THADA: variants seen among roughly 807,000 people sequenced by gnomAD.
THADA encodes the protein THADA armadillo repeat containing.
Under a neutral mutation model 219.8 loss-of-function variants are expected in THADA, and 213 were observed. That is an observed-to-expected ratio of 0.97 (90% CI 0.87 to 1.09). The LOEUF is 1.09. Among genes scored for constraint, THADA ranks in the 50% least tolerant of loss-of-function variants. The pLI, the probability that THADA is intolerant of heterozygous loss-of-function variation, is 0.00. For synonymous variants in THADA, 1,018 were observed against 828.9 expected, an observed-to-expected ratio of 1.23 and a Z score of -3.92; for missense variants, 2,956 against 2,311.3, an observed-to-expected ratio of 1.28 and a Z score of -5.72.
In THADA at chr2:43,293,042, C is replaced by T. The variant is rs368805649; in HGVS notation, c.4610G>A (p.Arg1537Gln). 4.6e-5 allele frequency: 74 copies of T among 1,613,782 alleles called. No individual in the cohort carries two copies. The highest frequency in any genetic ancestry group is 1.5e-4 in the African/African-American group (11 of 74,894). The change falls in exon 32 of 38, where the codon CGG (arginine) becomes CAG (glutamine). Residue 1537 changes from arginine (R) to glutamine (Q), a missense_variant. Physicochemically the swap from Arg to Gln is conservative, Grantham distance 43. Transcript: ENST00000405975. The stretch of plus-strand genomic sequence containing the variant: ...GAAAGAGATGGGGACATTCGTCTCC[C>T]GCTCTCCACTCTTGGCTGCCGCGGC... ...VWAAAAKSGE[R>Q]ETNVPISFSQ...
chr2:43,382,657 T>C (rs1400734571), intron 29 of THADA, among the ~76,000 whole-genome samples: 2 of 152,180 alleles, frequency 1.3e-5, no homozygotes, highest in Admixed American at 6.5e-5. Context: ...CTGAAAAGCA[T>C]AACAATCATA....
intron 26 of THADA, among the ~76,000 whole-genome samples, chr2:43,467,966 G>C (rs985159412): frequency 6.6e-6 from 1 of 152,190 alleles, no homozygotes; most frequent in Non-Finnish European, 1.5e-5. Context: ...GCCAGACCAG[G>C]CTGATATTTT....
chr2:43,570,317 C>T (rs1439974667), intron 14 of THADA, 71 bp downstream of exon 14: 2 of 1,396,016 alleles, frequency 1.4e-6, no homozygotes, highest in Non-Finnish European at 9.7e-7. Context: ...CCATTTATTT[C>T]CCTTTAATGC....
intron 29 of THADA, among the ~76,000 whole-genome samples, chr2:43,345,665 A>G (rs1667557853): frequency 6.6e-6 from 1 of 152,066 alleles, no homozygotes; most frequent in East Asian, 1.9e-4. Context: ...CTGAATCCCC[A>G]CTGTCCTGAA....
chr2:43,474,107 G>A (rs912430869), intron 26 of THADA, among the ~76,000 whole-genome samples: 3 of 152,176 alleles, frequency 2.0e-5, no homozygotes, highest in African/African-American at 7.2e-5. Flanking sequence ...GACTGTACAG[G>A]TAGGAGAGGC....
intron 21 of THADA, among the ~76,000 whole-genome samples, chr2:43,528,659 T>A (rs1013435879): frequency 2.6e-5 from 4 of 152,176 alleles, no homozygotes; most frequent in African/African-American, 9.7e-5. Flanking sequence ...CCTTCCTATG[T>A]CACATTCACA....
intron 36 of THADA, among the ~76,000 whole-genome samples, chr2:43,246,467 C>A (rs1572753369): frequency 6.6e-6 from 1 of 151,966 alleles, no homozygotes; most frequent in Non-Finnish European, 1.5e-5. Flanking sequence ...TGCACTCCAG[C>A]CTGGGTGACA....
At chr2:43,520,713 T>TATATATATATATATATAC (rs1218079783) in intron 22 of THADA, among the ~76,000 whole-genome samples, 1 of 125,128 alleles carries the variant, frequency 8.0e-6, no homozygotes, top group African/African-American at 3.0e-5. Flanking sequence ...TATATATATA[T>TATATATATATATATATAC]ACACACACAC....
At chr2:43,592,663 C>CT (rs1701697994) in intron 1 of THADA, among the ~76,000 whole-genome samples, 1 of 152,162 alleles carries the variant, frequency 6.6e-6, no homozygotes, top group Non-Finnish European at 1.5e-5. Flanking sequence ...GAATCACTGT[C>CT]TAAGAATTTC....
At chr2:43,400,457 T>TATATATATATATATATATATATATATATA (rs1674666200) in intron 28 of THADA, among the ~76,000 whole-genome samples, 1 of 89,898 alleles carries the variant, frequency 1.1e-5, no homozygotes, top group Non-Finnish European at 2.7e-5. Context: ...ATAGACAAAT[T>TATATATATATATATATATATATATATATA]TATATATATA....
chr2:43,362,837 T>C (rs902295616), intron 29 of THADA, among the ~76,000 whole-genome samples: 22 of 152,220 alleles, frequency 1.4e-4, no homozygotes, highest in African/African-American at 5.3e-4. Flanking sequence ...TTTCTTTATA[T>C]CCTTATTTTT....
In THADA at chr2:43,563,250, G is replaced by A. The variant is rs572931473; in HGVS notation, c.2312-2865C>T. 6 of 152,154 alleles carry A rather than the reference G, an allele frequency of 3.9e-5. No homozygotes were observed. The South Asian group carries it at 1.2e-3, about 32-fold the overall frequency. 9.4% of individuals were successfully genotyped at this position (152,154 alleles called of 1,614,324 possible). A position where few individuals can be genotyped will look rare whatever the true frequency, so the allele number is the denominator to read the frequency against. ...ATAAGTTTTCGTACGTTGTATTTTTGCTTTCATTCATCTCAAAATATTTTC... is the reference window on the plus strand; with the variant it reads ...ATAAGTTTTCGTACGTTGTATTTTTACTTTCATTCATCTCAAAATATTTTC... On this transcript the variant is annotated intron_variant, in intron 15 of 37. Coordinates refer to ENST00000405975, the MANE Select transcript of THADA (RefSeq NM_022065.5).
chr2:43,553,233 G>C (rs1696958273), intron 17 of THADA, among the ~76,000 whole-genome samples: 1 of 152,118 alleles, frequency 6.6e-6, no homozygotes, highest in African/African-American at 2.4e-5. Flanking sequence ...TTTTTGTTTA[G>C]ATGTATGTTT....
intron 21 of THADA, among the ~76,000 whole-genome samples, chr2:43,530,584 G>A (rs1286432229): frequency 6.6e-6 from 1 of 152,168 alleles, no homozygotes; most frequent in African/African-American, 2.4e-5. Flanking sequence ...TCAATGAGAT[G>A]AGGTTTCTCT....
chr2:43,316,620 G>GC (rs1263891122), intron 31 of THADA, among the ~76,000 whole-genome samples: 1 of 152,174 alleles, frequency 6.6e-6, no homozygotes, highest in African/African-American at 2.4e-5. Flanking sequence ...TAGATGCATA[G>GC]CTTCCAGCGA....
intron 9 of THADA, among the ~76,000 whole-genome samples, chr2:43,578,304 A>T (rs901702488): frequency 2.7e-5 from 4 of 149,384 alleles, no homozygotes; most frequent in African/African-American, 1.0e-4. Flanking sequence ...CACCATACCC[A>T]GCAAATTTTC....
intron 21 of THADA, among the ~76,000 whole-genome samples, chr2:43,536,672 A>T (rs139701815): frequency 1.3e-5 from 2 of 152,264 alleles, no homozygotes; most frequent in Admixed American, 1.3e-4. Flanking sequence ...CCAACAGACT[A>T]ATTAGGGGAT....
intron 28 of THADA, among the ~76,000 whole-genome samples, chr2:43,416,107 A>C (rs1303425745): frequency 6.6e-6 from 1 of 152,182 alleles, no homozygotes; most frequent in Non-Finnish European, 1.5e-5. Context: ...TTTACTTTTC[A>C]TTTTATCCAA....
chr2:43,409,511 C>T (rs1255747298), intron 28 of THADA, among the ~76,000 whole-genome samples: 1 of 152,020 alleles, frequency 6.6e-6, no homozygotes, highest in East Asian at 1.9e-4. Flanking sequence ...TAGACTACTG[C>T]CAGTCAGTTT....
Sources: allele counts gnomAD v4.1 joint callset (sites outside exome capture counted in the v4.1 genomes callset), GRCh38; gene constraint gnomAD v4.1.1; transcripts MANE v1.5; gene names NCBI Gene and HGNC (gene_info 2026-07-23, HGNC 2026-07-21).